The following SPTA1 variants were observed in gnomAD, a reference collection of about 807,000 sequenced individuals.
The protein encoded by SPTA1 is spectrin alpha chain, erythrocytic 1.
SPTA1 carries 177 observed loss-of-function variants against 324.7 expected under a neutral mutation model. The ratio of observed to expected loss-of-function variants is 0.55; its 90% confidence interval spans 0.48 to 0.62. SPTA1 has a LOEUF of 0.62. SPTA1 is among the 20% of genes least tolerant of loss of function. The probability of loss-of-function intolerance (pLI) is 0.00; values close to 1 mark genes in which losing one functional copy is unlikely to be tolerated. For missense variants in SPTA1, 3,162 were observed against 2,883.6 expected (o/e 1.10, Z -2.21); for synonymous variants, 1,195 against 1,041.3 (o/e 1.15, Z -2.84).
intron 42 of SPTA1, among the ~76,000 whole-genome samples, chr1:158,624,198 T>C (rs949688828): frequency 2.0e-5 from 3 of 152,178 alleles, no homozygotes; most frequent in African/African-American, 7.2e-5. Flanking sequence ...AAATGTGGGA[T>C]TGGAACACCC....
chr1:158,629,161 T>C (rs979258554), intron 39 of SPTA1, among the ~76,000 whole-genome samples: 2 of 148,910 alleles, frequency 1.3e-5, no homozygotes, highest in African/African-American at 2.5e-5. Context: ...TAGATAGATA[T>C]GTCTATCAAG....
At chr1:158,677,526 G>T (rs908301493) in intron 7 of SPTA1, among the ~76,000 whole-genome samples, 164 bp downstream of exon 7, 2 of 152,114 alleles carry the variant, frequency 1.3e-5, no homozygotes, top group South Asian at 4.1e-4. Flanking sequence ...ATCCACATAC[G>T]AGTTATGAAC....
Position 158,648,656 on chromosome 1 carries a change from G to A in SPTA1, c.3570-3C>T, listed in dbSNP as rs756642784. 44 of 1,613,276 alleles carry A rather than the reference G, an allele frequency of 2.7e-5. No homozygotes were observed. The South Asian group carries it at 4.6e-4, about 17-fold the overall frequency. On this transcript the variant is annotated splice_region_variant and splice_polypyrimidine_tract_variant and intron_variant, in intron 25 of 51. Transcript: ENST00000643759. ...GCTCCTTCGTGTCATCTGCTTCTCT[G>A]GTATACAAGAGAGTAGAGAGTTCAA...
At chr1:158,622,819 C>A in intron 43 of SPTA1, 164 bp downstream of exon 43, 1 of 700,330 alleles carries the variant, frequency 1.4e-6, no homozygotes, top group Non-Finnish European at 2.4e-6. Flanking sequence ...TTTAAAGCTT[C>A]TTTTCAATCT....
intron 20 of SPTA1, among the ~76,000 whole-genome samples, chr1:158,655,932 A>G (rs1038366558): frequency 1.3e-5 from 2 of 152,172 alleles, no homozygotes; most frequent in African/African-American, 2.4e-5. Context: ...TTGACTAGAA[A>G]AACGCTTATC....
intron 18 of SPTA1, 49 bp from the exon 19 acceptor site, chr1:158,657,743 C>T: frequency 3.2e-6 from 5 of 1,560,404 alleles, no homozygotes; most frequent in African/African-American, 1.4e-5. Context: ...TGAGTGTTTA[C>T]CATACTCTAA....
intron 1 of SPTA1, 147 bp from the exon 2 acceptor site, chr1:158,685,494 A>G (rs1345422026): frequency 8.7e-7 from 1 of 1,154,024 alleles, no homozygotes; most frequent in Non-Finnish European, 1.2e-6. Flanking sequence ...GAGCTGTAGT[A>G]TATTTACGTA....
intron 17 of SPTA1, 129 bp from the exon 18 acceptor site, chr1:158,661,538 T>G: frequency 8.4e-7 from 1 of 1,183,992 alleles, no homozygotes; most frequent in Non-Finnish European, 1.2e-6. Flanking sequence ...TAAGATTCTT[T>G]AAATTTATAT....
At chr1:158,635,294 A>T (rs1229226647) in intron 38 of SPTA1, among the ~76,000 whole-genome samples, 1 of 152,026 alleles carries the variant, frequency 6.6e-6, no homozygotes, top group Non-Finnish European at 1.5e-5. Context: ...CTGATGGTTT[A>T]AAAGTGTTTA....
intron 1 of SPTA1, 103 bp downstream of exon 1, chr1:158,686,391 T>A: frequency 1.1e-6 from 1 of 890,216 alleles, no homozygotes; most frequent in East Asian, 2.5e-5. Context: ...AAAAGCCAAA[T>A]AATTATTAAT....
chr1:158,648,792 GT>G (rs1652198763), intron 25 of SPTA1, 139 bp from the exon 26 acceptor site: 5 of 841,572 alleles, frequency 5.9e-6, no homozygotes, highest in South Asian at 4.6e-5. Context: ...TATCATCATT[GT>G]TTTTTATGTG....
intron 32 of SPTA1, 38 bp from the exon 33 acceptor site, chr1:158,642,580 T>G: frequency 1.2e-6 from 2 of 1,611,364 alleles, no homozygotes; most frequent in Non-Finnish European, 1.7e-6. Context: ...ATTATCTTTT[T>G]ATTTATGGTG....
rs756555114 is a variant in SPTA1 at position 158,653,443 on chromosome 1, C to A, written c.3037-18G>T. On this transcript the variant is annotated intron_variant, in intron 21 of 51. Transcript: ENST00000643759. ...CACCAGTCCTGAAGGGAGAGCAGAT[C>A]CCCACTCCGTCATTAATTCTTGGAA... 5.0e-6 allele frequency: 8 copies of A among 1,613,758 alleles called. No homozygotes were observed. Among genetic ancestry groups the A allele is most frequent in the South Asian group, 1.1e-5 (1 of 91,062 alleles).
intron 31 of SPTA1, 145 bp from the exon 32 acceptor site, chr1:158,643,121 G>A (rs1651737762): frequency 7.6e-7 from 1 of 1,315,392 alleles, no homozygotes; most frequent in Non-Finnish European, 1.1e-6. Context: ...CAGTGCTAAA[G>A]CCAGTTAATT....
chr1:158,683,247 G>A (rs2101951081), intron 3 of SPTA1, 124 bp downstream of exon 3: 3 of 1,359,834 alleles, frequency 2.2e-6, no homozygotes, highest in Non-Finnish European at 3.1e-6. Flanking sequence ...AACCCCAGGG[G>A]AAGATAAGAG....
chr1:158,630,100 T>A (rs2101790359), intron 39 of SPTA1, among the ~76,000 whole-genome samples: 1 of 151,860 alleles, frequency 6.6e-6, no homozygotes, highest in East Asian at 1.9e-4. Context: ...GTCAATGAAA[T>A]CCCTATTAAA....
chr1:158,674,780 T>A (rs1654290278), intron 8 of SPTA1, 105 bp from the exon 9 acceptor site: 3 of 1,448,230 alleles, frequency 2.1e-6, no homozygotes, highest in Non-Finnish European at 2.9e-6. Context: ...AGATGCTCCT[T>A]ACTCTAATCC....
chr1:158,643,876 C>T (rs746679673), intron 30 of SPTA1, among the ~76,000 whole-genome samples: 20 of 152,056 alleles, frequency 1.3e-4, no homozygotes, highest in Non-Finnish European at 2.1e-4. Context: ...GTGGCTCACT[C>T]CTATAATCTC....
At chr1:158,646,193 T>C (rs1482388754) in intron 27 of SPTA1, among the ~76,000 whole-genome samples, 1 of 152,184 alleles carries the variant, frequency 6.6e-6, no homozygotes, top group East Asian at 1.9e-4. Context: ...GTCAGGAAGT[T>C]AGACGAGCAA....
Sources: allele counts gnomAD v4.1 joint callset (sites outside exome capture counted in the v4.1 genomes callset), GRCh38; gene constraint gnomAD v4.1.1; transcripts MANE v1.5; gene names NCBI Gene and HGNC (gene_info 2026-07-23, HGNC 2026-07-21).